ARHGEF11: variants seen among roughly 807,000 people sequenced by gnomAD.
The protein encoded by ARHGEF11 is Rho guanine nucleotide exchange factor 11.
ARHGEF11 carries 55 observed loss-of-function variants against 193.7 expected under a neutral mutation model. That is an observed-to-expected ratio of 0.28 (90% CI 0.23 to 0.36). ARHGEF11 has a LOEUF of 0.36. Ranked by LOEUF, ARHGEF11 falls within the 10% of genes least tolerant of loss-of-function variation. The pLI is 1.00. For synonymous variants in ARHGEF11, 693 were observed against 768.0 expected (o/e 0.90, Z 1.62); for missense variants, 1,723 against 2,005.6 (o/e 0.86, Z 2.69).
chr1:156,990,942 T>C lies in ARHGEF11; in HGVS notation c.33-4769A>G, dbSNP rs76281056. The stretch of plus-strand genomic sequence containing the variant: ...ACAAGATCTGACTGCTAGGTACTCA[T>C]TGCTGCTGAGCTGTCCCTCGTTCCA... On this transcript the variant is annotated intron_variant, in intron 1 of 40. Coordinates refer to ENST00000368194, the MANE Select transcript of ARHGEF11 (RefSeq NM_198236.3). 9.8e-5 allele frequency among the ~76,000 whole-genome samples: 15 copies of C among 152,336 alleles called. No individual in the cohort carries two copies. In the East Asian group the frequency reaches 2.7e-3, roughly 27 times the overall value.
intron 33 of ARHGEF11, among the ~76,000 whole-genome samples, chr1:156,942,477 C>A (rs1394886030): frequency 1.3e-5 from 2 of 152,230 alleles, no homozygotes; most frequent in South Asian, 2.1e-4. Context: ...CTGCCAGAAG[C>A]TCATTCTCCC....
chr1:156,944,018 G>C lies in ARHGEF11; in HGVS notation c.3152C>G (p.Thr1051Ser). The change falls in exon 32 of 41, where the codon ACT becomes AGT. Residue 1051 changes from threonine to serine, a missense_variant. This residue lies in a region of ARHGEF11 where 491 missense variants were observed against 654.5 expected (regional missense o/e 0.75). Coordinates refer to ENST00000368194, the MANE Select transcript of ARHGEF11 (RefSeq NM_198236.3). ...CTTGCTGTCTGAGGAGCCCACAGCAGTCTTGCTGTGGCACTTCAGCAATAG... is the reference window on the plus strand; with the variant it reads ...CTTGCTGTCTGAGGAGCCCACAGCACTCTTGCTGTGGCACTTCAGCAATAG... ...EKLLLKCHSK[T>S]AVGSSDSKQT... is the part of the protein sequence containing the mutation. 1 of 1,614,134 alleles carries C rather than the reference G, an allele frequency of 6.2e-7. No homozygotes were observed. The highest frequency in any genetic ancestry group is 8.5e-7 in the Non-Finnish European group (1 of 1,179,952).
upstream of ARHGEF11, among the ~76,000 whole-genome samples, chr1:157,046,088 C>G (rs1432292005): frequency 6.6e-6 from 1 of 151,112 alleles, no homozygotes; most frequent in Non-Finnish European, 1.5e-5. Flanking sequence ...CGTCGCTCCT[C>G]GGCCGGTCCC....
At chr1:157,003,335 C>A (rs1667425342) in intron 1 of ARHGEF11, among the ~76,000 whole-genome samples, 1 of 152,222 alleles carries the variant, frequency 6.6e-6, no homozygotes, top group African/African-American at 2.4e-5. Flanking sequence ...GCCATAGATA[C>A]ATCCTTAACT....
intron 1 of ARHGEF11, among the ~76,000 whole-genome samples, chr1:157,033,170 C>T (rs1671500606): frequency 6.6e-6 from 1 of 152,154 alleles, no homozygotes; most frequent in Non-Finnish European, 1.5e-5. Context: ...CCCACAGGCA[C>T]TTCAAACACA....
intron 14 of ARHGEF11, 68 bp downstream of exon 14, chr1:156,961,609 A>T: frequency 7.0e-7 from 1 of 1,428,276 alleles, no homozygotes; most frequent in Admixed American, 1.7e-5. Flanking sequence ...TGTTTTGCTT[A>T]ATTTTCCCTG....
At position 156,959,054 on chromosome 1, in the gene ARHGEF11, G is replaced by A. The variant is rs762256396; in HGVS notation, c.1371C>T (p.His457=). 6.0e-5 allele frequency: 97 copies of A among 1,614,122 alleles called. No individual in the cohort carries two copies. The highest frequency in any genetic ancestry group is 7.7e-5 in the Non-Finnish European group (91 of 1,180,044). The change falls in exon 16 of 41, where the codon CAC becomes CAT. Residue 457 remains histidine, a synonymous_variant. Coordinates refer to ENST00000368194, the MANE Select transcript of ARHGEF11 (RefSeq NM_198236.3). The part of the protein sequence containing the change: ...AAMPEIQEQI[H]DYRTKRTLGL... ...TCAGCTCCTGGGCCAACCTGTAGTC[G>A]TGGATCTGCTCTTGGATCTCAGGCA...
intron 1 of ARHGEF11, among the ~76,000 whole-genome samples, chr1:157,022,452 A>C (rs1464557967): frequency 6.6e-6 from 1 of 152,240 alleles, no homozygotes; most frequent in Non-Finnish European, 1.5e-5. Flanking sequence ...TACAATACCT[A>C]GGAATAAATT....
chr1:156,945,288 C>G, intron 29 of ARHGEF11, 91 bp from the exon 30 acceptor site: 1 of 1,454,506 alleles, frequency 6.9e-7, no homozygotes, highest in Non-Finnish European at 9.3e-7. Context: ...TCCATGGCAG[C>G]TGGCTTGCTT....
In ARHGEF11 at chr1:156,946,658, G is replaced by A. The variant is rs374911158; in HGVS notation, c.2694+4C>T. 6.4e-5 allele frequency: 104 copies of A among 1,613,974 alleles called. No individual in the cohort carries two copies. The highest frequency in any genetic ancestry group is 3.3e-4 in the Middle Eastern group (2 of 6,084). ...GGAAGGCCAAGGCATGGCCAAGGAC[G>A]CACCTGCATGAAGAGCTGGAATCGA... On this transcript the variant is annotated splice_donor_region_variant and intron_variant, in intron 28 of 40. Transcript: ENST00000368194.
chr1:156,987,466 T>C (rs1665092855), intron 1 of ARHGEF11, among the ~76,000 whole-genome samples: 1 of 152,258 alleles, frequency 6.6e-6, no homozygotes, highest in African/African-American at 2.4e-5. Flanking sequence ...TGTGTTTATA[T>C]ATGTTTAAAT....
In ARHGEF11 at chr1:156,969,981, G is replaced by A. The variant is rs772010115; in HGVS notation, c.748+17C>T. 6.2e-7 allele frequency: 1 copy of A among 1,613,630 alleles called. No homozygotes were observed. The highest frequency in any genetic ancestry group is 8.5e-7 in the Non-Finnish European group (1 of 1,179,562). ...CTAGAGATATGCCAGAGAAAAAAGG[G>A]GTGATGGGGGACTTACCTTCTGATG... is the stretch of plus-strand genomic sequence containing the variant. On this transcript the variant is annotated intron_variant, in intron 9 of 40. Transcript: ENST00000368194.
Position 156,935,997 on chromosome 1 carries a change from C to A in ARHGEF11, c.*3G>T. On this transcript the variant is annotated 3_prime_UTR_variant, in exon 41 of 41. Transcript: ENST00000368194. Reference sequence around the variant, plus strand: ...GACGCAGAGGATTTGGTGGTTTGTACGGTTATGGTCCTGGTGACGCGGCTG... The same window carrying A: ...GACGCAGAGGATTTGGTGGTTTGTAAGGTTATGGTCCTGGTGACGCGGCTG... 1.2e-6 allele frequency: 2 copies of A among 1,612,132 alleles called. No homozygotes were observed. Among genetic ancestry groups the A allele is most frequent in the South Asian group, 2.2e-5 (2 of 90,846 alleles).
At position 156,942,108 on chromosome 1, in the gene ARHGEF11, T is replaced by C. The variant is rs558266345; in HGVS notation, c.3327-119A>G. On this transcript the variant is annotated intron_variant, in intron 33 of 40. Coordinates refer to ENST00000368194, the MANE Select transcript of ARHGEF11 (RefSeq NM_198236.3). ...CCCTAAGAACCCTCTGCCTGGCAGGTGCCCACCTCCCTGTACAGTCCTCCC... is the reference window on the plus strand; with the variant it reads ...CCCTAAGAACCCTCTGCCTGGCAGGCGCCCACCTCCCTGTACAGTCCTCCC... 4.0e-5 allele frequency: 59 copies of C among 1,467,900 alleles called. No homozygotes were observed. In the Admixed American group the frequency reaches 6.5e-4, roughly 16 times the overall value. The allele number at this position is 1,467,900 out of a possible 1,614,324, so 90.9% of individuals were successfully genotyped here.
At chr1:156,961,820 C>A in intron 13 of ARHGEF11, 45 bp from the exon 14 acceptor site, 1 of 1,575,748 alleles carries the variant, frequency 6.3e-7, no homozygotes, top group Non-Finnish European at 8.7e-7. Context: ...TCTCCCCCAG[C>A]AGTGATTTTG....
At chr1:156,985,806 G>A (rs1664834965) in intron 2 of ARHGEF11, 1 of 259,706 alleles carries the variant, frequency 3.9e-6, no homozygotes, top group East Asian at 8.3e-5. Flanking sequence ...TTATTCATAG[G>A]TGTGATCCCA....
intron 1 of ARHGEF11, among the ~76,000 whole-genome samples, chr1:157,005,965 C>A (rs1048244045): frequency 6.6e-6 from 1 of 152,204 alleles, no homozygotes; most frequent in African/African-American, 2.4e-5. Flanking sequence ...ATTTTGCATT[C>A]TCCTCTGCTG....
At chr1:157,007,980 G>C (rs1668055306) in intron 1 of ARHGEF11, among the ~76,000 whole-genome samples, 1 of 139,678 alleles carries the variant, frequency 7.2e-6, no homozygotes, top group South Asian at 2.2e-4. Context: ...TTCAGTTCCT[G>C]GAACACCGTA....
At chr1:156,970,815 T>C (rs1203993682) in intron 8 of ARHGEF11, among the ~76,000 whole-genome samples, 1 of 152,218 alleles carries the variant, frequency 6.6e-6, no homozygotes, top group Non-Finnish European at 1.5e-5. Context: ...AAGGCTCCTA[T>C]GGATTAATTA....
Sources: gnomAD v4.1 joint callset for allele counts (sites outside exome capture counted in the v4.1 genomes callset) on GRCh38, gnomAD v4.1.1 for gene constraint, gnomAD v4.1.1 regional missense constraint, MANE v1.5 for transcripts, NCBI Gene and HGNC (gene_info 2026-07-23, HGNC 2026-07-21) for gene names.